PEX7: variants seen among roughly 807,000 people sequenced by gnomAD.
PEX7 encodes the protein peroxisomal biogenesis factor 7.
Under a neutral mutation model 47.5 loss-of-function variants are expected in PEX7, and 34 were observed. That is an observed-to-expected ratio of 0.72 (90% CI 0.54 to 0.95). The LOEUF (loss-of-function observed/expected upper bound fraction) is 0.95. PEX7 is among the 40% of genes least tolerant of loss of function. The pLI is 0.00. For synonymous variants in PEX7, 141 were observed against 148.8 expected, an observed-to-expected ratio of 0.95 and a Z score of 0.38; for missense variants, 394 against 400.3, an observed-to-expected ratio of 0.98 and a Z score of 0.13.
At chr6:136,835,295 T>C (rs1285102524) in intron 3 of PEX7, among the ~76,000 whole-genome samples, 2 of 142,742 alleles carry the variant, frequency 1.4e-5, no homozygotes, top group African/African-American at 5.1e-5. Flanking sequence ...TTTTTTTTTC[T>C]TTTTTTTTTT....
chr6:136,890,476 T>A (rs1311385995), intron 8 of PEX7, among the ~76,000 whole-genome samples: 1 of 152,174 alleles, frequency 6.6e-6, no homozygotes, highest in Admixed American at 6.5e-5. Context: ...TACCTCAAGC[T>A]TTCATGTCCA....
intron 5 of PEX7, 128 bp from the exon 6 acceptor site, chr6:136,866,499 G>A: frequency 1.3e-6 from 1 of 755,742 alleles, no homozygotes; most frequent in Non-Finnish European, 2.3e-6. Context: ...TAAAAAATAA[G>A]TCTGAAGGTG....
intron 8 of PEX7, among the ~76,000 whole-genome samples, chr6:136,894,241 A>G (rs6570110): frequency 0.63 from 95,439 of 151,798 alleles, 31,840 homozygotes; most frequent in African/African-American, 0.88. Flanking sequence ...GGCAGATCAC[A>G]AGGTCAGGAG....
intron 3 of PEX7, among the ~76,000 whole-genome samples, chr6:136,832,403 G>A (rs1464781583): frequency 6.6e-6 from 1 of 152,240 alleles, no homozygotes; most frequent in Non-Finnish European, 1.5e-5. Flanking sequence ...GGCCTGTGAT[G>A]GGAGGGGCTT....
At chr6:136,824,310 C>T (rs144568263) in intron 1 of PEX7, among the ~76,000 whole-genome samples, 13 of 152,274 alleles carry the variant, frequency 8.5e-5, no homozygotes, top group Non-Finnish European at 1.6e-4. Context: ...ATATGATCCT[C>T]CTGTCTCAAC....
intron 5 of PEX7, among the ~76,000 whole-genome samples, chr6:136,865,718 C>T (rs1193340104): frequency 6.6e-6 from 1 of 152,152 alleles, no homozygotes; most frequent in East Asian, 1.9e-4. Context: ...GTGGAAGTTG[C>T]AATGAGCTGA....
At chr6:136,903,376 A>G (rs536029736) in intron 9 of PEX7, among the ~76,000 whole-genome samples, 16 of 107,850 alleles carry the variant, frequency 1.5e-4, no homozygotes, top group African/African-American at 5.4e-4. Flanking sequence ...GGATCTTGCT[A>G]TGTTGCCCAG....
At chr6:136,909,807 A>C (rs895458158) in intron 9 of PEX7, among the ~76,000 whole-genome samples, 2 of 152,346 alleles carry the variant, frequency 1.3e-5, no homozygotes, top group South Asian at 2.1e-4. Flanking sequence ...GGTAGTTATT[A>C]TAAGTCCTGA....
chr6:136,859,812 C>CA (rs1240502994), intron 5 of PEX7, among the ~76,000 whole-genome samples: 1 of 152,058 alleles, frequency 6.6e-6, no homozygotes, highest in Admixed American at 6.6e-5. Flanking sequence ...CACTTGAGGT[C>CA]AGGAGTTTGA....
chr6:136,899,080 C>G (rs146097405), intron 9 of PEX7, among the ~76,000 whole-genome samples: 1 of 111,978 alleles, frequency 8.9e-6, no homozygotes, highest in African/African-American at 3.4e-5. Context: ...TTTTTCTTTT[C>G]TTTTTTTTTT....
In PEX7 at chr6:136,826,231, A is replaced by G. The variant is rs544303069; in HGVS notation, c.189-88A>G. 16 of 1,444,016 alleles carry G rather than the reference A, an allele frequency of 1.1e-5. No homozygotes were observed. In the Admixed American group the frequency reaches 2.0e-4, roughly 18 times the overall value. The allele number at this position is 1,444,016 out of a possible 1,614,324, so 89.5% of individuals were successfully genotyped here. A position where few individuals can be genotyped will look rare whatever the true frequency, so the allele number is the denominator to read the frequency against. On this transcript the variant is annotated intron_variant, in intron 2 of 9. Coordinates refer to ENST00000318471, the MANE Select transcript of PEX7 (RefSeq NM_000288.4). ...GTTAAAATGTGTGATAAATTGAAAG[A>G]AAAAAAACCATAATTGTTATTTTTT...
At chr6:136,870,224 G>C (rs1249561958) in intron 7 of PEX7, among the ~76,000 whole-genome samples, 7 of 151,962 alleles carry the variant, frequency 4.6e-5, no homozygotes, top group Non-Finnish European at 1.0e-4. Context: ...CAATACTTAA[G>C]GTTAAATAAA....
intron 8 of PEX7, among the ~76,000 whole-genome samples, chr6:136,882,435 C>T (rs1328044916): frequency 2.6e-5 from 4 of 152,040 alleles, no homozygotes. Context: ...ACCACAGCCT[C>T]CCAAAGTGCT....
At chr6:136,829,274 A>C (rs1490829964) in intron 3 of PEX7, among the ~76,000 whole-genome samples, 1 of 152,196 alleles carries the variant, frequency 6.6e-6, no homozygotes, top group East Asian at 1.9e-4. Flanking sequence ...ATTTCTTACT[A>C]TTCTGGAGGT....
rs969848911 is a variant in PEX7 at position 136,879,617 on chromosome 6, G to A, written c.803+7364G>A. Among the ~76,000 whole-genome samples the A allele has an allele frequency of 2.6e-5, 4 of 151,950 alleles. No homozygotes were observed. The South Asian group carries it at 6.2e-4, about 24-fold the overall frequency. On this transcript the variant is annotated intron_variant, in intron 8 of 9. Coordinates refer to ENST00000318471, the MANE Select transcript of PEX7 (RefSeq NM_000288.4). ...TGCATTTCAGTTTTTCTTGCTGCAG[G>A]CTCAGTGAGCTCTTTAAGTATATAG...
intron 5 of PEX7, among the ~76,000 whole-genome samples, chr6:136,865,993 G>A (rs1202981239): frequency 6.6e-6 from 1 of 152,028 alleles, no homozygotes; most frequent in African/African-American, 2.4e-5. Context: ...TGAGGCAGGA[G>A]AATCACCTGA....
chr6:136,899,913 A>G (rs1775724418), intron 9 of PEX7, among the ~76,000 whole-genome samples: 1 of 152,256 alleles, frequency 6.6e-6, no homozygotes, highest in African/African-American at 2.4e-5. Flanking sequence ...TAATAAAATA[A>G]TTGTACCTGT....
At chr6:136,905,784 T>G (rs929320034) in intron 9 of PEX7, among the ~76,000 whole-genome samples, 6 of 152,210 alleles carry the variant, frequency 3.9e-5, no homozygotes, top group African/African-American at 1.4e-4. Context: ...TCCAGCAGAC[T>G]TTACTGTGAG....
intron 5 of PEX7, among the ~76,000 whole-genome samples, chr6:136,847,538 G>T (rs940631893): frequency 2.6e-5 from 4 of 151,434 alleles, no homozygotes; most frequent in Non-Finnish European, 5.9e-5. Context: ...GTAAGGAAGG[G>T]ATCCAGTTTC....
Sources: gnomAD v4.1 joint callset for allele counts (sites outside exome capture counted in the v4.1 genomes callset) on GRCh38, gnomAD v4.1.1 for gene constraint, MANE v1.5 for transcripts, NCBI Gene and HGNC (gene_info 2026-07-23, HGNC 2026-07-21) for gene names.